The following NAALADL2 variants were observed in gnomAD, a reference collection of about 807,000 sequenced individuals.
NAALADL2 encodes the protein N-acetylated alpha-linked acidic dipeptidase like 2.
NAALADL2 carries 76 observed loss-of-function variants against 87.2 expected under a neutral mutation model. That is an observed-to-expected ratio of 0.87 (90% confidence interval 0.72 to 1.05). The LOEUF (loss-of-function observed/expected upper bound fraction) is 1.05. Ranked by LOEUF, NAALADL2 falls within the 50% of genes least tolerant of loss-of-function variation. NAALADL2 has a pLI of 0.00. For synonymous variants in NAALADL2, 354 were observed against 331.0 expected (o/e 1.07, Z -0.75); for missense variants, 1,089 against 945.8 (o/e 1.15, Z -1.99).
At position 175,755,328 on chromosome 3, in the gene NAALADL2, G is replaced by A. The variant is rs777583254; in HGVS notation, c.2099G>A (p.Arg700Lys). Residue 700 changes from arginine to lysine, a missense_variant, in exon 13 of 14, where the codon AGA (arginine) becomes AAA (lysine). Coordinates refer to ENST00000454872, the MANE Select transcript of NAALADL2 (RefSeq NM_207015.3). ...CGACCTGCTAATGATCCCAAGGAGAGAGCACCCATCCGCATCCGGATGCTG... is the reference window on the plus strand; with the variant it reads ...CGACCTGCTAATGATCCCAAGGAGAAAGCACCCATCCGCATCCGGATGCTG... ...EMRPANDPKE[R>K]APIRIRMLND... 1.2e-6 allele frequency: 2 copies of A among 1,613,558 alleles called. No individual in the cohort carries two copies. The highest frequency in any genetic ancestry group is 2.2e-5 in the East Asian group (1 of 44,864).
chr3:175,224,559 A>T (rs903971701), intron 2 of NAALADL2, among the ~76,000 whole-genome samples: 1 of 151,624 alleles, frequency 6.6e-6, no homozygotes, highest in Non-Finnish European at 1.5e-5. Context: ...TCTTCCCAAA[A>T]CTCCCATCTC....
chr3:174,673,642 A>G, intron 2 of NAALADL2, among the ~76,000 whole-genome samples: 1 of 125,214 alleles, frequency 8.0e-6, no homozygotes, highest in Non-Finnish European at 1.7e-5. Context: ...AAGGCTGGGA[A>G]GGGGGTGTGT....
At chr3:175,459,590 A>AT (rs1722810743) in intron 6 of NAALADL2, among the ~76,000 whole-genome samples, 1 of 152,072 alleles carries the variant, frequency 6.6e-6, no homozygotes, top group Non-Finnish European at 1.5e-5. Flanking sequence ...TATATTTTAT[A>AT]GTTAAATTCA....
At chr3:175,146,129 C>A (rs901849425) in intron 2 of NAALADL2, among the ~76,000 whole-genome samples, 1 of 152,020 alleles carries the variant, frequency 6.6e-6, no homozygotes, top group Non-Finnish European at 1.5e-5. Flanking sequence ...TGAAGTCTCC[C>A]TATTGGCCTA....
In NAALADL2 at chr3:174,749,164, G is replaced by A. The variant is rs1734578654; in HGVS notation, c.-9+11418G>A. On this transcript the variant is annotated intron_variant, in intron 3 of 3. Coordinates refer to the NAALADL2 transcript ENST00000434257. ...CTCTGCCTATTGTGTAGGATGCTTT[G>A]TTGTGGTTACTTGCCTCTCTAAACC... Among the ~76,000 whole-genome samples, 3 of 152,102 alleles carry A rather than the reference G, an allele frequency of 2.0e-5. No homozygotes were observed. In the South Asian group the frequency reaches 6.2e-4, roughly 32 times the overall value.
intron 6 of NAALADL2, among the ~76,000 whole-genome samples, chr3:175,462,887 C>A (rs955094622): frequency 6.6e-6 from 1 of 152,076 alleles, no homozygotes; most frequent in Middle Eastern, 3.2e-3. Context: ...ACATGTACAG[C>A]TTTAAGAATA....
intron 2 of NAALADL2, among the ~76,000 whole-genome samples, chr3:175,187,487 C>T (rs1259574019): frequency 6.6e-6 from 1 of 152,078 alleles, no homozygotes; most frequent in Non-Finnish European, 1.5e-5. Flanking sequence ...CTGTTTTCCT[C>T]AAGCTTTTAT....
intron 7 of NAALADL2, among the ~76,000 whole-genome samples, chr3:175,464,868 A>G (rs1723728716): frequency 1.3e-5 from 2 of 152,210 alleles, no homozygotes; most frequent in East Asian, 1.9e-4. Context: ...AATTTCCATC[A>G]TAAGGTTCTC....
At chr3:174,825,053 T>C (rs76293711) in intron 3 of NAALADL2, among the ~76,000 whole-genome samples, 3,096 of 152,322 alleles carry the variant, frequency 0.02, 109 homozygotes, top group African/African-American at 0.07. Context: ...AGTTTCTTTT[T>C]TTATCTCTAG....
At chr3:174,584,663 A>T (rs771724428) in intron 2 of NAALADL2, among the ~76,000 whole-genome samples, 7 of 152,134 alleles carry the variant, frequency 4.6e-5, no homozygotes, top group Non-Finnish European at 7.4e-5. Context: ...TATCCTGGGG[A>T]AGGATATCAT....
At chr3:174,644,334 C>T (rs1560113619) in intron 2 of NAALADL2, among the ~76,000 whole-genome samples, 1 of 152,128 alleles carries the variant, frequency 6.6e-6, no homozygotes, top group East Asian at 1.9e-4. Flanking sequence ...ATAAAGTTGG[C>T]TAAAGAATAG....
At chr3:175,584,601 A>G (rs895534056) in intron 10 of NAALADL2, among the ~76,000 whole-genome samples, 11 of 152,226 alleles carry the variant, frequency 7.2e-5, no homozygotes, top group Non-Finnish European at 1.6e-4. Context: ...CATGGAGTGT[A>G]CTTACACAAA....
chr3:174,685,822 C>A (rs1285511803), intron 2 of NAALADL2, among the ~76,000 whole-genome samples: 3 of 151,204 alleles, frequency 2.0e-5, no homozygotes, highest in Admixed American at 1.3e-4. Flanking sequence ...TCCCTCCTCC[C>A]ACCCCCACCC....
At chr3:175,385,783 A>T (rs868798550) in intron 5 of NAALADL2, among the ~76,000 whole-genome samples, 4 of 152,136 alleles carry the variant, frequency 2.6e-5, no homozygotes, top group Non-Finnish European at 4.4e-5. Context: ...ATAAAGATTT[A>T]AAAAATCCAA....
intron 11 of NAALADL2, among the ~76,000 whole-genome samples, chr3:175,674,274 T>A (rs1734436994): frequency 6.6e-6 from 1 of 151,906 alleles, no homozygotes; most frequent in South Asian, 2.1e-4. Flanking sequence ...GTTTTGTTTT[T>A]TTTGAGTTGG....
At chr3:174,722,661 C>T (rs1220590692) in intron 2 of NAALADL2, among the ~76,000 whole-genome samples, 1 of 152,176 alleles carries the variant, frequency 6.6e-6, no homozygotes. Flanking sequence ...GAGATCGTGC[C>T]ACTGCACTCT....
At chr3:175,136,974 T>A (rs1334402553) in intron 2 of NAALADL2, among the ~76,000 whole-genome samples, 1 of 152,170 alleles carries the variant, frequency 6.6e-6, no homozygotes, top group African/African-American at 2.4e-5. Context: ...TACACTTCTG[T>A]GTTATAGAAT....
At chr3:175,500,159 C>A (rs768946487) in intron 9 of NAALADL2, among the ~76,000 whole-genome samples, 1 of 151,990 alleles carries the variant, frequency 6.6e-6, no homozygotes, top group Non-Finnish European at 1.5e-5. Context: ...AATCATTATC[C>A]TTTAGAAATA....
intron 1 of NAALADL2, among the ~76,000 whole-genome samples, chr3:174,442,675 G>A (rs1714752603): frequency 6.6e-6 from 1 of 152,204 alleles, no homozygotes. Context: ...ATAAAGCAAA[G>A]AAGAAACTTC....
Sources: gnomAD v4.1 joint callset for allele counts (sites outside exome capture counted in the v4.1 genomes callset) on GRCh38, gnomAD v4.1.1 for gene constraint, MANE v1.5 for transcripts, NCBI Gene and HGNC (gene_info 2026-07-23, HGNC 2026-07-21) for gene names.